Variants in ETNK1 observed in about 807,000 individuals in gnomAD.
ETNK1 encodes the protein ethanolamine kinase 1, also known as putative protein product of Nbla10396.
ETNK1 carries 8 observed loss-of-function variants against 45.1 expected under a neutral mutation model. The ratio of observed to expected loss-of-function variants is 0.18; its 90% CI spans 0.10 to 0.32. The LOEUF (loss-of-function observed/expected upper bound fraction) is 0.32, where lower values mean the gene tolerates loss of function less well. Ranked by LOEUF, ETNK1 falls within the 10% of genes least tolerant of loss-of-function variation. ETNK1 has a pLI of 1.00. For synonymous variants in ETNK1, 152 were observed against 151.9 expected (o/e 1.00, Z -0.01); for missense variants, 302 against 430.6 (o/e 0.70, Z 2.64).
chr12:22,664,854 G>A (rs1292312211), intron 4 of ETNK1, among the ~76,000 whole-genome samples: 2 of 152,068 alleles, frequency 1.3e-5, no homozygotes, highest in African/African-American at 2.4e-5. Context: ...TAGATAAAAC[G>A]TAATAAGATG....
chr12:22,651,609 T>C (rs7971005), intron 2 of ETNK1, among the ~76,000 whole-genome samples: 7,937 of 152,030 alleles, frequency 0.052, 697 homozygotes, highest in African/African-American at 0.18. Context: ...AATAGTGTTA[T>C]TGCATTCACA....
intron 4 of ETNK1, among the ~76,000 whole-genome samples, chr12:22,665,236 A>G (rs748896507): frequency 6.6e-5 from 10 of 152,152 alleles, no homozygotes; most frequent in Non-Finnish European, 2.9e-5. Context: ...GACAGTTTAC[A>G]TCAGAATCAC....
chr12:22,659,030 C>G lies in ETNK1; in HGVS notation c.433C>G (p.Leu145Val). ...TTTAAACAGGCTAATAGCTCGTCAGCTTGCTAAAATCCATGCTATTCATGC... is the reference window on the plus strand; with the variant it reads ...TTTAAACAGGCTAATAGCTCGTCAGGTTGCTAAAATCCATGCTATTCATGC... ...PAIFRLIARQ[L>V]AKIHAIHAHN... The change falls in exon 3 of 8, where the codon CTT becomes GTT. Residue 145 changes from leucine to valine, a missense_variant. Coordinates refer to ENST00000266517, the MANE Select transcript of ETNK1 (RefSeq NM_018638.5). 1 of 1,613,378 alleles carries G rather than the reference C, an allele frequency of 6.2e-7. No homozygotes were observed. The highest frequency in any genetic ancestry group is 1.1e-5 in the South Asian group (1 of 90,850).
At chr12:22,655,459 C>A (rs985959193) in intron 2 of ETNK1, among the ~76,000 whole-genome samples, 1 of 151,454 alleles carries the variant, frequency 6.6e-6, no homozygotes, top group Non-Finnish European at 1.5e-5. Context: ...GCCTCAGCCT[C>A]CTGAGCAGCT....
chr12:22,671,303 T>G lies in ETNK1; in HGVS notation c.732T>G (p.Ser244=). 2 of 1,610,950 alleles carry G rather than the reference T, an allele frequency of 1.2e-6. No individual in the cohort carries two copies. The highest frequency in any genetic ancestry group is 1.7e-6 in the Non-Finnish European group (2 of 1,177,550). Reference sequence around the variant, plus strand: ...TACAGTTCATTGATTATGAATATTCTGGATACAACTACCTGGCATATGATA... The same window carrying G: ...TACAGTTCATTGATTATGAATATTCGGGATACAACTACCTGGCATATGATA... ...GDVQFIDYEY[S]GYNYLAYDIG... is the part of the protein sequence containing the mutation. The change falls in exon 5 of 8, where the codon TCT becomes TCG. Residue 244 remains serine (S), a synonymous_variant. Coordinates refer to ENST00000266517, the MANE Select transcript of ETNK1 (RefSeq NM_018638.5).
chr12:22,668,233 C>G lies in ETNK1; in HGVS notation c.701-3039C>G, dbSNP rs372634470. ...TGAAACCCCAATTAAAAATTCATGT[C>G]TTAAAGAACTGAGATGATGATCATG... On this transcript the variant is annotated intron_variant, in intron 4 of 7. Coordinates refer to ENST00000266517, the MANE Select transcript of ETNK1 (RefSeq NM_018638.5). Among the ~76,000 whole-genome samples the G allele has an allele frequency of 1.1e-4, 16 of 152,220 alleles. 1 individual carries two copies. Among genetic ancestry groups the G allele is most frequent in the African/African-American group, 3.9e-4 (16 of 41,532 alleles).
rs1034236895 is a variant in ETNK1 at position 22,661,312 on chromosome 12, G to A, written c.700+107G>A. On this transcript the variant is annotated intron_variant, in intron 4 of 7. Transcript: ENST00000266517. ...AAATTCAAATGCAAGGAGTAAGAGC[G>A]TGCATGAAACCTTTAAAGATTTTCT... The A allele has an allele frequency of 2.9e-5, 24 of 829,220 alleles. No homozygotes were observed. The African/African-American group carries it at 3.2e-4, about 11-fold the overall frequency. 51.4% of individuals were successfully genotyped at this position (829,220 alleles called of 1,614,324 possible). A position where few individuals can be genotyped will look rare whatever the true frequency, so the allele number is the denominator to read the frequency against.
chr12:22,683,617 A>G (rs1954233636), intron 6 of ETNK1, among the ~76,000 whole-genome samples: 1 of 152,148 alleles, frequency 6.6e-6, no homozygotes. Flanking sequence ...CCTGGACTGG[A>G]ACCTCTACAT....
intron 2 of ETNK1, chr12:22,644,296 T>G: frequency 6.3e-7 from 1 of 1,598,366 alleles, no homozygotes; most frequent in South Asian, 1.1e-5. Context: ...TCTGCTTAGT[T>G]TTTTCTAGTT....
chr12:22,658,675 T>C (rs747010215), intron 2 of ETNK1, among the ~76,000 whole-genome samples: 11 of 152,024 alleles, frequency 7.2e-5, no homozygotes, highest in Non-Finnish European at 1.6e-4. Flanking sequence ...AGGAGCAGGG[T>C]CGGGGTTGGC....
intron 6 of ETNK1, among the ~76,000 whole-genome samples, chr12:22,681,586 T>C (rs1054194386): frequency 1.3e-5 from 2 of 151,952 alleles, no homozygotes; most frequent in Non-Finnish European, 2.9e-5. Flanking sequence ...TGTGAAATAA[T>C]TAACAGTATT....
At chr12:22,651,893 C>T (rs1953881144) in intron 2 of ETNK1, among the ~76,000 whole-genome samples, 2 of 151,970 alleles carry the variant, frequency 1.3e-5, no homozygotes, top group South Asian at 4.2e-4. Context: ...ACCATGTTGG[C>T]CAGGCTGGTC....
At chr12:22,657,575 G>A (rs1426822750) in intron 2 of ETNK1, among the ~76,000 whole-genome samples, 2 of 150,168 alleles carry the variant, frequency 1.3e-5, no homozygotes, top group Non-Finnish European at 3.0e-5. Context: ...TTCTCTAACC[G>A]GTTTAACCAC....
At chr12:22,667,351 T>C (rs1431788470) in intron 4 of ETNK1, among the ~76,000 whole-genome samples, 1 of 152,190 alleles carries the variant, frequency 6.6e-6, no homozygotes, top group Non-Finnish European at 1.5e-5. Context: ...CTTCATTTTT[T>C]CTACTAGCAT....
At chr12:22,671,017 G>A in intron 4 of ETNK1, 1 of 351,876 alleles carries the variant, frequency 2.8e-6, no homozygotes, top group South Asian at 4.6e-5. Context: ...GAGAATGACT[G>A]TCTTTTCATT....
chr12:22,653,918 T>C (rs1301757047), intron 2 of ETNK1, among the ~76,000 whole-genome samples: 8 of 152,338 alleles, frequency 5.3e-5, no homozygotes, highest in Non-Finnish European at 1.0e-4. Context: ...AGTGTACTTA[T>C]TTCCATGAGA....
chr12:22,666,166 T>C (rs1031291103), intron 4 of ETNK1, among the ~76,000 whole-genome samples: 2 of 152,042 alleles, frequency 1.3e-5, no homozygotes, highest in Admixed American at 6.6e-5. Flanking sequence ...CTTTCTGAAG[T>C]TGATGGTAGC....
Position 22,625,217 on chromosome 12 carries a change from G to C in ETNK1, c.-214G>C. On this transcript the variant is annotated 5_prime_UTR_variant, in exon 1 of 8. Transcript: ENST00000266517. ...CCGACAACAGGAATTTTCTCCGAGA[G>C]CGGGCCGGGCTCAGTTCAGCTGCTG... 1 of 1,610,258 alleles carries C rather than the reference G, an allele frequency of 6.2e-7. No individual in the cohort carries two copies. Among genetic ancestry groups the C allele is most frequent in the Non-Finnish European group, 8.5e-7 (1 of 1,178,258 alleles).
rs1433908451 is a variant in ETNK1, at chr12:22,625,286, TG to T, written c.-144del. On this transcript the variant is annotated 5_prime_UTR_variant, in exon 1 of 8. Coordinates refer to ENST00000266517, the MANE Select transcript of ETNK1 (RefSeq NM_018638.5). ...ACAGTGCCGCCTCCAGACGTTCTCC[TG>T]CCGCTCGCCCGCCCGTCCCAGCGCC... The T allele has an allele frequency of 4.4e-6, 7 of 1,608,552 alleles. No homozygotes were observed. Among genetic ancestry groups the T allele is most frequent in the Non-Finnish European group, 5.9e-6 (7 of 1,178,262 alleles).
Sources: gnomAD v4.1 joint callset for allele counts (sites outside exome capture counted in the v4.1 genomes callset) on GRCh38, gnomAD v4.1.1 for gene constraint, MANE v1.5 for transcripts, NCBI Gene and HGNC (gene_info 2026-07-23, HGNC 2026-07-21) for gene names.